Variants in GAS7 observed in about 807,000 individuals in gnomAD.
GAS7 encodes growth arrest-specific protein 7.
GAS7 carries 28 observed loss-of-function variants against 71.1 expected under a neutral mutation model. The observed-to-expected ratio is 0.39, with a 90% confidence interval of 0.29 to 0.54. The LOEUF (loss-of-function observed/expected upper bound fraction) is 0.54. Ranked by LOEUF, GAS7 falls within the 20% of genes least tolerant of loss-of-function variation. The pLI, the probability that GAS7 is intolerant of heterozygous loss-of-function variation, is 0.62. For synonymous variants in GAS7, 258 were observed against 245.8 expected, an observed-to-expected ratio of 1.05 and a Z score of -0.46; for missense variants, 436 against 627.8, an observed-to-expected ratio of 0.69 and a Z score of 3.27.
intron 3 of GAS7, among the ~76,000 whole-genome samples, chr17:9,977,092 C>G (rs1320158006): frequency 2.0e-5 from 3 of 152,232 alleles, no homozygotes; most frequent in African/African-American, 7.2e-5. Flanking sequence ...ACAAATGTAC[C>G]GTGGTTATGT....
At chr17:10,091,851 T>C (rs962574433) in intron 1 of GAS7, among the ~76,000 whole-genome samples, 9 of 152,068 alleles carry the variant, frequency 5.9e-5, no homozygotes, top group African/African-American at 1.9e-4. Context: ...CTGGCTAAGT[T>C]TTGTAATTTT....
At chr17:10,167,939 C>A (rs1326670189) in intron 1 of GAS7, among the ~76,000 whole-genome samples, 1 of 151,936 alleles carries the variant, frequency 6.6e-6, no homozygotes, top group African/African-American at 2.4e-5. Flanking sequence ...GCTCAAGCCA[C>A]CTGCCCACCT....
chr17:10,119,152 T>C (rs1432488578), intron 1 of GAS7, among the ~76,000 whole-genome samples: 2 of 152,080 alleles, frequency 1.3e-5, no homozygotes, highest in African/African-American at 4.8e-5. Flanking sequence ...GAGCAGACAC[T>C]AAACACAATA....
At chr17:10,133,128 T>A (rs1002175012) in intron 1 of GAS7, among the ~76,000 whole-genome samples, 15 of 90,350 alleles carry the variant, frequency 1.7e-4, no homozygotes, top group South Asian at 1.2e-3. Flanking sequence ...TTATATTTTT[T>A]TTTTTTCTTT....
intron 1 of GAS7, among the ~76,000 whole-genome samples, chr17:10,126,490 TCA>T (rs557715674): frequency 4.1e-5 from 6 of 144,890 alleles, no homozygotes; most frequent in South Asian, 2.2e-4. Context: ...TCACACCCAC[TCA>T]CATACACACA....
Position 10,155,387 on chromosome 17 carries a change from A to T in GAS7, c.183+42821T>A, listed in dbSNP as rs892510779. 4.6e-5 allele frequency among the ~76,000 whole-genome samples: 7 copies of T among 152,232 alleles called. No individual in the cohort carries two copies. The East Asian group carries it at 7.7e-4, about 17-fold the overall frequency. ...CCTCTCCCTCCACTTCCCTTCTCCCAAGACTCTTCCTTCTGATAGCCATGT... is the reference window on the plus strand; with the variant it reads ...CCTCTCCCTCCACTTCCCTTCTCCCTAGACTCTTCCTTCTGATAGCCATGT... On this transcript the variant is annotated intron_variant, in intron 1 of 13. Transcript: ENST00000432992.
chr17:10,133,646 C>T (rs1347859295), intron 1 of GAS7, among the ~76,000 whole-genome samples: 1 of 152,070 alleles, frequency 6.6e-6, no homozygotes, highest in Admixed American at 6.6e-5. Context: ...ACTTAATCCT[C>T]CTAACTAAAT....
chr17:10,120,805 G>A (rs1396863799), intron 1 of GAS7, among the ~76,000 whole-genome samples: 4 of 152,218 alleles, frequency 2.6e-5, no homozygotes, highest in Non-Finnish European at 5.9e-5. Flanking sequence ...TTCCCACGTG[G>A]GCAGCCGGGG....
At chr17:9,967,448 C>T (rs8074849) in intron 4 of GAS7, among the ~76,000 whole-genome samples, 74,979 of 151,704 alleles carry the variant, frequency 0.49, 18,611 homozygotes, top group East Asian at 0.57. Flanking sequence ...ACAATCCAAA[C>T]GTCTCCAGAC....
chr17:10,036,229 T>C (rs2072747940), intron 1 of GAS7, among the ~76,000 whole-genome samples: 2 of 152,010 alleles, frequency 1.3e-5, no homozygotes, highest in South Asian at 4.2e-4. Context: ...CCCACGTCTT[T>C]TTTTTTTTTC....
chr17:9,961,731 T>C (rs981610590), intron 4 of GAS7, among the ~76,000 whole-genome samples: 7 of 152,202 alleles, frequency 4.6e-5, no homozygotes, highest in Non-Finnish European at 1.0e-4. Flanking sequence ...GCAAGTTAAA[T>C]GGCATCAACT....
At chr17:9,994,780 C>T (rs1014736266) in intron 2 of GAS7, among the ~76,000 whole-genome samples, 2 of 151,908 alleles carry the variant, frequency 1.3e-5, no homozygotes, top group Admixed American at 1.3e-4. Context: ...AACCTACTCA[C>T]CTGACAAAGG....
At chr17:9,918,159 C>T (rs1273715678) in intron 12 of GAS7, 60 bp from the exon 13 acceptor site, 2 of 1,164,550 alleles carry the variant, frequency 1.7e-6, no homozygotes, top group Non-Finnish European at 2.5e-6. Flanking sequence ...GGGGGTCCCC[C>T]CACCAAGACC....
chr17:9,953,907 G>A (rs1012410394), intron 5 of GAS7, among the ~76,000 whole-genome samples: 7 of 152,326 alleles, frequency 4.6e-5, no homozygotes, highest in African/African-American at 7.2e-5. Flanking sequence ...TGCAGTGGCC[G>A]GAGGCTAGGA....
intron 4 of GAS7, among the ~76,000 whole-genome samples, chr17:9,961,179 G>C (rs1165133156): frequency 6.6e-6 from 1 of 152,170 alleles, no homozygotes; most frequent in East Asian, 1.9e-4. Context: ...ACCCCAACGG[G>C]CTCCTGGCCA....
intron 9 of GAS7, among the ~76,000 whole-genome samples, chr17:9,928,337 T>A (rs943525054): frequency 2.0e-4 from 31 of 151,264 alleles, no homozygotes; most frequent in Non-Finnish European, 3.4e-4. Context: ...TTAGTCAGGA[T>A]GGTCTCGATC....
chr17:10,093,158 C>T (rs1332010583), intron 1 of GAS7, among the ~76,000 whole-genome samples: 1 of 152,224 alleles, frequency 6.6e-6, no homozygotes, highest in Admixed American at 6.5e-5. Context: ...AGTCCCAATG[C>T]TACACAACCT....
chr17:10,127,738 C>T (rs1380953619), intron 1 of GAS7, among the ~76,000 whole-genome samples: 2 of 152,218 alleles, frequency 1.3e-5, no homozygotes, highest in African/African-American at 4.8e-5. Flanking sequence ...TCTCTGTCCC[C>T]CTAAACCCCC....
At chr17:10,173,823 TA>T in intron 1 of GAS7, among the ~76,000 whole-genome samples, 1 of 151,540 alleles carries the variant, frequency 6.6e-6, no homozygotes, top group East Asian at 1.9e-4. Context: ...GGAGGTAACA[TA>T]ATGCTGGGTT....
Sources: gnomAD v4.1 joint callset for allele counts (sites outside exome capture counted in the v4.1 genomes callset) on GRCh38, gnomAD v4.1.1 for gene constraint, MANE v1.5 for transcripts, NCBI Gene and HGNC (gene_info 2026-07-23, HGNC 2026-07-21) for gene names.